FYCO1: variants seen among roughly 807,000 people sequenced by gnomAD.
FYCO1 encodes FYVE and coiled-coil domain autophagy adaptor 1.
Under a neutral mutation model 165.1 loss-of-function variants are expected in FYCO1, and 122 were observed. The observed-to-expected ratio is 0.74, with a 90% CI of 0.64 to 0.86. The LOEUF is 0.86. Among genes scored for constraint, FYCO1 ranks in the 40% least tolerant of loss-of-function variants. The pLI is 0.00. For synonymous variants in FYCO1, 648 were observed against 742.5 expected, an observed-to-expected ratio of 0.87 and a Z score of 2.07; for missense variants, 1,702 against 1,810.3, an observed-to-expected ratio of 0.94 and a Z score of 1.09.
chr3:45,978,890 T>A (rs1259021179), intron 4 of FYCO1, among the ~76,000 whole-genome samples: 1 of 147,908 alleles, frequency 6.8e-6, no homozygotes, highest in East Asian at 2.1e-4. Context: ...GGAGTCTCGC[T>A]CTGTCGCCCA....
intron 16 of FYCO1, among the ~76,000 whole-genome samples, chr3:45,924,860 G>A (rs1703245183): frequency 1.3e-5 from 2 of 151,698 alleles, no homozygotes; most frequent in Non-Finnish European, 2.9e-5. Context: ...TGATCTGCCC[G>A]CCTCAGCCTC....
chr3:45,984,853 T>C lies in FYCO1; in HGVS notation c.55+3A>G, dbSNP rs1382124440. On this transcript the variant is annotated splice_donor_region_variant and intron_variant, in intron 2 of 17. Coordinates refer to ENST00000296137, the MANE Select transcript of FYCO1 (RefSeq NM_024513.4). ...ACTCAGCCTGCCCAGCAACCTACCA[T>C]ACCTTGCAAGTCTCGGATGATTCTC... is the stretch of plus-strand genomic sequence containing the variant. 5.0e-6 allele frequency: 8 copies of C among 1,613,962 alleles called. No homozygotes were observed. The highest frequency in any genetic ancestry group is 1.3e-5 in the African/African-American group (1 of 74,898).
At chr3:45,994,236 A>C (rs1479570788) in intron 1 of FYCO1, among the ~76,000 whole-genome samples, 1 of 152,206 alleles carries the variant, frequency 6.6e-6, no homozygotes, top group Non-Finnish European at 1.5e-5. Context: ...AAAAAAAATC[A>C]AAGTAAAATA....
intron 5 of FYCO1, among the ~76,000 whole-genome samples, chr3:45,974,496 C>T (rs2125861026): frequency 6.6e-6 from 1 of 152,278 alleles, no homozygotes; most frequent in South Asian, 2.1e-4. Context: ...ATGAGTACAT[C>T]TCTATGCAAA....
At chr3:45,978,235 G>T (rs1575382045) in intron 4 of FYCO1, among the ~76,000 whole-genome samples, 1 of 152,278 alleles carries the variant, frequency 6.6e-6, no homozygotes, top group East Asian at 1.9e-4. Context: ...AAAGTTAAAG[G>T]CTTTAGTTGC....
chr3:45,955,449 G>A, intron 13 of FYCO1, 56 bp from the exon 14 acceptor site: 2 of 1,601,218 alleles, frequency 1.2e-6, no homozygotes, highest in Non-Finnish European at 1.7e-6. Flanking sequence ...TTATGCATAG[G>A]CTGGGTAAGG....
At chr3:45,960,972 C>G (rs1575362586) in intron 11 of FYCO1, among the ~76,000 whole-genome samples, 1 of 151,942 alleles carries the variant, frequency 6.6e-6, no homozygotes, top group African/African-American at 2.4e-5. Flanking sequence ...TAATATGTAG[C>G]CAGGATTGAG....
chr3:45,972,973 C>T, intron 6 of FYCO1, 115 bp downstream of exon 6: 4 of 1,016,084 alleles, frequency 3.9e-6, no homozygotes, highest in Non-Finnish European at 6.0e-6. Context: ...AAGAGTTGAA[C>T]AGGTTTGTGT....
chr3:45,959,257 G>C, intron 12 of FYCO1, 136 bp downstream of exon 12: 1 of 987,792 alleles, frequency 1.0e-6, no homozygotes, highest in Non-Finnish European at 1.6e-6. Context: ...TTCCCTTAAA[G>C]CCAAAACGCA....
chr3:45,980,353 GAA>G (rs10711815), intron 3 of FYCO1, among the ~76,000 whole-genome samples: 59 of 141,972 alleles, frequency 4.2e-4, no homozygotes, highest in South Asian at 6.5e-4. Context: ...CTGTCTCAAA[GAA>G]AAAAAAAAAA....
chr3:45,962,724 G>A lies in FYCO1; in HGVS notation c.3270-332C>T, dbSNP rs1329638348. On this transcript the variant is annotated intron_variant, in intron 10 of 17. Transcript: ENST00000296137. This position sits in a 1 kb window ranked among gnomAD's most constrained non-coding sequence, Gnocchi z 4.4. The stretch of plus-strand genomic sequence containing the variant: ...AAGGCTCATGGGCTGGTGATGGGGA[G>A]GATGGGCAGGAGGAGAAAGGAGTCA... Among the ~76,000 whole-genome samples, 2 of 152,182 alleles carry A rather than the reference G, an allele frequency of 1.3e-5. No homozygotes were observed. Among genetic ancestry groups the A allele is most frequent in the African/African-American group, 2.4e-5 (1 of 41,432 alleles).
intron 15 of FYCO1, among the ~76,000 whole-genome samples, chr3:45,935,646 C>T (rs945432062): frequency 4.6e-5 from 7 of 152,200 alleles, no homozygotes; most frequent in African/African-American, 1.4e-4. Flanking sequence ...TGGCAAATTC[C>T]CCTTCCCTGT....
chr3:45,930,262 A>G (rs1375505957), intron 16 of FYCO1, among the ~76,000 whole-genome samples: 3 of 152,022 alleles, frequency 2.0e-5, no homozygotes, highest in Non-Finnish European at 4.4e-5. Context: ...TCCCTCCCAT[A>G]TCCCTCTACA....
chr3:45,945,967 G>A (rs1162513489), intron 14 of FYCO1: 1 of 155,882 alleles, frequency 6.4e-6, no homozygotes, highest in Admixed American at 6.2e-5. Flanking sequence ...CCCCCTGGTA[G>A]GGGCACTTGC....
chr3:45,956,298 T>C (rs1480788019), intron 13 of FYCO1, among the ~76,000 whole-genome samples: 1 of 151,940 alleles, frequency 6.6e-6, no homozygotes, highest in Non-Finnish European at 1.5e-5. Flanking sequence ...ATCGTACCAC[T>C]GCACTCCAGC....
At chr3:45,942,874 C>T (rs1704316852) in intron 14 of FYCO1, among the ~76,000 whole-genome samples, 1 of 152,168 alleles carries the variant, frequency 6.6e-6, no homozygotes, top group South Asian at 2.1e-4. Context: ...GGGGCTGCAC[C>T]AGGCCCTCTG....
At chr3:45,969,798 C>T in intron 6 of FYCO1, 33 bp from the exon 7 acceptor site, 1 of 1,588,418 alleles carries the variant, frequency 6.3e-7, no homozygotes, top group Non-Finnish European at 8.6e-7. Flanking sequence ...TACCTGTATT[C>T]AGAGCAGGAA....
intron 5 of FYCO1, among the ~76,000 whole-genome samples, chr3:45,974,444 A>G (rs1221532632): frequency 1.3e-5 from 2 of 152,256 alleles, no homozygotes; most frequent in East Asian, 3.8e-4. Flanking sequence ...AAACTTTTTC[A>G]GCTCACATCA....
intron 8 of FYCO1, 87 bp downstream of exon 8, chr3:45,966,190 C>T (rs1020259600): frequency 1.4e-6 from 2 of 1,420,550 alleles, no homozygotes; most frequent in Admixed American, 1.7e-5. Flanking sequence ...CCTCACCTGC[C>T]TCATGGCTAA....
Sources: allele counts gnomAD v4.1 joint callset (sites outside exome capture counted in the v4.1 genomes callset), GRCh38; gene constraint gnomAD v4.1.1; non-coding constraint Gnocchi (gnomAD v3.1); transcripts MANE v1.5; gene names NCBI Gene and HGNC (gene_info 2026-07-23, HGNC 2026-07-21).